KCNE3: variants seen among roughly 807,000 people sequenced by gnomAD.
KCNE3 encodes the protein potassium voltage-gated channel subfamily E member 3.
KCNE3 carries 2 observed loss-of-function variants against 4.3 expected under a neutral mutation model. The observed-to-expected ratio is 0.47, with a 90% confidence interval of 0.19 to 1.48. KCNE3 has a LOEUF of 1.48. Ranked by LOEUF, KCNE3 falls within the 40% of genes most tolerant of loss-of-function variation. The probability of loss-of-function intolerance (pLI) is 0.25; values close to 1 mark genes in which losing one functional copy is unlikely to be tolerated. For missense variants in KCNE3, 128 were observed against 136.8 expected, an observed-to-expected ratio of 0.94 and a Z score of 0.32; for synonymous variants, 47 against 52.0, an observed-to-expected ratio of 0.90 and a Z score of 0.41.
rs41312989 is a variant in KCNE3, at chr11:74,463,283, G to A, written c.-189-1180C>T. ...AGGGTCTCTCTGAATAGACTAGGAT[G>A]TTTGTGCTTCTGACAGGAGGAGGAA... On this transcript the variant is annotated intron_variant, in intron 1 of 2. Transcript: ENST00000310128. 2.2e-3 allele frequency among the ~76,000 whole-genome samples: 339 copies of A among 152,226 alleles called. 2 individuals carry two copies. Among genetic ancestry groups the A allele is most frequent in the Non-Finnish European group, 3.6e-3 (246 of 67,998 alleles).
Position 74,457,387 on chromosome 11 carries a change from C to T in KCNE3, c.177G>A (p.Met59Ile), listed in dbSNP as rs1863843783. Residue 59 changes from methionine (M) to isoleucine (I), a missense_variant, in exon 3 of 3, where the codon ATG (methionine) becomes ATA (isoleucine). Coordinates refer to ENST00000310128, the MANE Select transcript of KCNE3 (RefSeq NM_005472.5). ...SLPGRDDNSY[M>I]YILFVMFLFA... Reference sequence around the variant, plus strand: ...ATAGAAACATGACAAAGAGAATGTACATGTAGGAGTTGTCATCACGGCCAG... The same window carrying T: ...ATAGAAACATGACAAAGAGAATGTATATGTAGGAGTTGTCATCACGGCCAG... 1.9e-6 allele frequency: 3 copies of T among 1,614,072 alleles called. No homozygotes were observed. Among genetic ancestry groups the T allele is most frequent in the Non-Finnish European group, 2.5e-6 (3 of 1,179,924 alleles).
In KCNE3 at chr11:74,455,556, T is replaced by C. The variant is rs72550288; in HGVS notation, c.*1696A>G. 2.0e-5 allele frequency: 3 copies of C among 152,210 alleles called. No individual in the cohort carries two copies. The highest frequency in any genetic ancestry group is 4.8e-5 in the African/African-American group (2 of 41,456). The allele number at this position is 152,210 out of a possible 1,614,324, so 9.4% of individuals were successfully genotyped here. On this transcript the variant is annotated 3_prime_UTR_variant, in exon 3 of 3. Transcript: ENST00000310128. ...AGAGACTTTCAAGTCTATTTCATTA[T>C]GTTGAAGAGGAAAACGGATGAGGGA...
In KCNE3 at chr11:74,455,651, G is replaced by A. The variant is rs1018560599; in HGVS notation, c.*1601C>T. ...ATCAGGGCTGCTTCTCTTCCTACTG[G>A]ACCATGTACCTGTCTCTCATACTCT... On this transcript the variant is annotated 3_prime_UTR_variant, in exon 3 of 3. Coordinates refer to ENST00000310128, the MANE Select transcript of KCNE3 (RefSeq NM_005472.5). 6.6e-6 allele frequency: 1 copy of A among 152,094 alleles called. No homozygotes were observed. Among genetic ancestry groups the A allele is most frequent in the Non-Finnish European group, 1.5e-5 (1 of 68,006 alleles). 9.4% of individuals were successfully genotyped at this position (152,094 alleles called of 1,614,324 possible). A position where few individuals can be genotyped will look rare whatever the true frequency, so the allele number is the denominator to read the frequency against.
At chr11:74,460,251 AC>A (rs1313505080) in intron 2 of KCNE3, among the ~76,000 whole-genome samples, 1 of 152,152 alleles carries the variant, frequency 6.6e-6, no homozygotes, top group Non-Finnish European at 1.5e-5. Context: ...CTCATCTACT[AC>A]CCCATGTGTC....
At chr11:74,463,513 C>T (rs1863999058) in intron 1 of KCNE3, among the ~76,000 whole-genome samples, 1 of 152,076 alleles carries the variant, frequency 6.6e-6, no homozygotes, top group African/African-American at 2.4e-5. Context: ...TTCTGAGCTC[C>T]TTGGCTTCCC....
chr11:74,461,775 C>T (rs370929868), intron 2 of KCNE3, among the ~76,000 whole-genome samples, 180 bp downstream of exon 2: 1 of 147,574 alleles, frequency 6.8e-6, no homozygotes, highest in Non-Finnish European at 1.5e-5. Context: ...AATATGTACA[C>T]ATAGGTTTAA....
At chr11:74,457,653 A>G in intron 2 of KCNE3, 50 bp from the exon 3 acceptor site, 1 of 1,165,644 alleles carries the variant, frequency 8.6e-7, no homozygotes, top group Non-Finnish European at 1.3e-6. Flanking sequence ...CCTGCAGCTC[A>G]AATGACCTCC....
chr11:74,456,410 T>C lies in KCNE3; in HGVS notation c.*842A>G, dbSNP rs1257962333. On this transcript the variant is annotated 3_prime_UTR_variant, in exon 3 of 3. Coordinates refer to ENST00000310128, the MANE Select transcript of KCNE3 (RefSeq NM_005472.5). ...CTGAAAAGACTGCTTGCTTTGGAGG[T>C]AGTTTAGTCCTGTTGCCTGGCAATG... The C allele has an allele frequency of 6.6e-6, 1 of 150,620 alleles. No individual in the cohort carries two copies. Among genetic ancestry groups the C allele is most frequent in the African/African-American group, 2.4e-5 (1 of 40,844 alleles). 9.3% of individuals were successfully genotyped at this position (150,620 alleles called of 1,614,324 possible). A position where few individuals can be genotyped will look rare whatever the true frequency, so the allele number is the denominator to read the frequency against.
At chr11:74,462,906 A>G (rs938656617) in intron 1 of KCNE3, 1 of 152,198 alleles carries the variant, frequency 6.6e-6, no homozygotes, top group African/African-American at 2.4e-5. Context: ...GATGATACGA[A>G]TCATGAAACC....
chr11:74,463,522 C>T (rs966748838), intron 1 of KCNE3, among the ~76,000 whole-genome samples: 2 of 152,048 alleles, frequency 1.3e-5, no homozygotes, highest in Non-Finnish European at 2.9e-5. Context: ...CCTTGGCTTC[C>T]CTGTCCAGGA....
intron 2 of KCNE3, among the ~76,000 whole-genome samples, chr11:74,460,771 G>A (rs11236113): frequency 0.064 from 9,678 of 152,254 alleles, 412 homozygotes; most frequent in Middle Eastern, 0.099. Context: ...CTAGGGAAAA[G>A]CCATGGAATG....
chr11:74,462,876 A>T (rs1863984909), intron 1 of KCNE3: 2 of 152,242 alleles, frequency 1.3e-5, no homozygotes, highest in Non-Finnish European at 2.9e-5. Flanking sequence ...AAGGGGTCTC[A>T]GTTGGTTCTA....
chr11:74,464,953 C>A (rs1235556922), intron 1 of KCNE3, among the ~76,000 whole-genome samples: 1 of 152,222 alleles, frequency 6.6e-6, no homozygotes, highest in Non-Finnish European at 1.5e-5. Context: ...TCCTACTCAT[C>A]CTTCAAGACC....
chr11:74,459,419 G>A (rs1411512724), intron 2 of KCNE3, among the ~76,000 whole-genome samples: 2 of 151,718 alleles, frequency 1.3e-5, no homozygotes, highest in African/African-American at 4.8e-5. Context: ...CCGCCATCAC[G>A]CCAGGCTAAT....
chr11:74,457,883 C>A (rs1436030967), intron 2 of KCNE3, among the ~76,000 whole-genome samples: 2 of 152,300 alleles, frequency 1.3e-5, no homozygotes, highest in East Asian at 3.9e-4. Flanking sequence ...GGGCAGTTCC[C>A]CTGCACCTGC....
chr11:74,459,816 C>T (rs1398939307), intron 2 of KCNE3, among the ~76,000 whole-genome samples: 1 of 152,162 alleles, frequency 6.6e-6, no homozygotes, highest in Non-Finnish European at 1.5e-5. Flanking sequence ...TCTCTTACCC[C>T]AGTCTGGAGG....
intron 1 of KCNE3, chr11:74,462,852 G>C (rs749455284): frequency 6.6e-6 from 1 of 152,174 alleles, no homozygotes; most frequent in East Asian, 1.9e-4. Context: ...GCTTCTGTCC[G>C]CATCTGTAAA....
rs914309329 is a variant in KCNE3, at chr11:74,456,839, G to C, written c.*413C>G. 4.0e-6 allele frequency: 1 copy of C among 251,466 alleles called. No homozygotes were observed. Among genetic ancestry groups the C allele is most frequent in the Non-Finnish European group, 7.9e-6 (1 of 126,630 alleles). 15.6% of individuals were successfully genotyped at this position (251,466 alleles called of 1,614,324 possible). A position where few individuals can be genotyped will look rare whatever the true frequency, so the allele number is the denominator to read the frequency against. On this transcript the variant is annotated 3_prime_UTR_variant, in exon 3 of 3. Transcript: ENST00000310128. ...TAAATCATATCTGTGATATGGGATAGTCATCACTGCTTCTCATGGCTGAAG... is the reference window on the plus strand; with the variant it reads ...TAAATCATATCTGTGATATGGGATACTCATCACTGCTTCTCATGGCTGAAG...
chr11:74,462,986 C>G (rs1863987165), intron 1 of KCNE3: 1 of 152,208 alleles, frequency 6.6e-6, no homozygotes, highest in African/African-American at 2.4e-5. Context: ...TAGAGCTTCT[C>G]AAATCCCAAG....
Sources: gnomAD v4.1 joint callset for allele counts (sites outside exome capture counted in the v4.1 genomes callset) on GRCh38, gnomAD v4.1.1 for gene constraint, MANE v1.5 for transcripts, NCBI Gene and HGNC (gene_info 2026-07-23, HGNC 2026-07-21) for gene names.